Variants in FAT3 observed in about 807,000 individuals in gnomAD.
FAT3 encodes FAT atypical cadherin 3, also known as protocadherin Fat 3.
Under a neutral mutation model 310.2 loss-of-function variants are expected in FAT3, and 95 were observed. That is an observed-to-expected ratio of 0.31 (90% CI 0.26 to 0.36). The LOEUF (loss-of-function observed/expected upper bound fraction) is 0.36, where lower values mean the gene tolerates loss of function less well. FAT3 is among the 10% of genes least tolerant of loss of function. FAT3 has a pLI of 1.00. For synonymous variants in FAT3, 2,314 were observed against 2,192.9 expected (o/e 1.06, Z -1.54); for missense variants, 5,408 against 5,715.6 (o/e 0.95, Z 1.74).
chr11:92,669,755 C>T (rs1198367608), intron 3 of FAT3, among the ~76,000 whole-genome samples: 1 of 152,178 alleles, frequency 6.6e-6, no homozygotes, highest in Non-Finnish European at 1.5e-5. Context: ...TCACTTCTAG[C>T]CACAGGCCCT....
At chr11:92,596,261 CCCTGACATCAGCT>C (rs1177736315) in intron 3 of FAT3, among the ~76,000 whole-genome samples, 2 of 152,112 alleles carry the variant, frequency 1.3e-5, no homozygotes, top group African/African-American at 4.8e-5. Flanking sequence ...TTCTGAAGAA[CCCTGACATCAGCT>C]CCAGAATTTC....
At chr11:92,470,437 TA>T (rs1951875589) in intron 2 of FAT3, among the ~76,000 whole-genome samples, 1 of 152,222 alleles carries the variant, frequency 6.6e-6, no homozygotes, top group African/African-American at 2.4e-5. Context: ...TAAATCTTCT[TA>T]AACCTGTCTT....
At chr11:92,253,193 T>C (rs376552027) in intron 1 of FAT3, among the ~76,000 whole-genome samples, 1 of 152,040 alleles carries the variant, frequency 6.6e-6, no homozygotes, top group Non-Finnish European at 1.5e-5. Context: ...TGGGAGGCCC[T>C]AGGCAGGACC....
intron 3 of FAT3, among the ~76,000 whole-genome samples, chr11:92,693,509 T>C (rs1180507824): frequency 6.6e-6 from 1 of 152,244 alleles, no homozygotes; most frequent in Admixed American, 6.5e-5. Context: ...TCTTGTTGTC[T>C]TATTCTCTAT....
chr11:92,780,094 G>T (rs1293911880), intron 7 of FAT3, among the ~76,000 whole-genome samples: 3 of 151,500 alleles, frequency 2.0e-5, no homozygotes, highest in Non-Finnish European at 4.4e-5. Flanking sequence ...TCGGCCTTGA[G>T]TCCTCACCTA....
At chr11:92,762,578 C>G (rs1277984909) in intron 5 of FAT3, among the ~76,000 whole-genome samples, 1 of 152,214 alleles carries the variant, frequency 6.6e-6, no homozygotes, top group East Asian at 1.9e-4. Context: ...TAGAAAACAA[C>G]TTTTGAAATT....
At chr11:92,570,025 C>T (rs1414226226) in intron 3 of FAT3, among the ~76,000 whole-genome samples, 2 of 152,126 alleles carry the variant, frequency 1.3e-5, no homozygotes, top group Non-Finnish European at 2.9e-5. Context: ...TCTCTGAAAT[C>T]CACAATTTTG....
At chr11:92,272,733 C>T (rs970221521) in intron 1 of FAT3, among the ~76,000 whole-genome samples, 8 of 151,988 alleles carry the variant, frequency 5.3e-5, no homozygotes, top group African/African-American at 9.7e-5. Flanking sequence ...TGAAATGTTA[C>T]GGACAGGGAT....
At chr11:92,784,686 T>C (rs1173658168) in intron 7 of FAT3, among the ~76,000 whole-genome samples, 1 of 152,204 alleles carries the variant, frequency 6.6e-6, no homozygotes, top group Non-Finnish European at 1.5e-5. Flanking sequence ...CTTTGTTTGT[T>C]AGTTCGGGAG....
chr11:92,323,943 C>T (rs1555011764), intron 1 of FAT3, among the ~76,000 whole-genome samples: 1 of 152,216 alleles, frequency 6.6e-6, no homozygotes, highest in Non-Finnish European at 1.5e-5. Flanking sequence ...CTTGCTGCCT[C>T]ATCTTGCACT....
At chr11:92,803,013 G>T (rs576717368) in intron 10 of FAT3, among the ~76,000 whole-genome samples, 7 of 124,018 alleles carry the variant, frequency 5.6e-5, no homozygotes. Context: ...AACACTTTAT[G>T]ATCTATCTGA....
At chr11:92,475,306 A>G (rs1165276383) in intron 2 of FAT3, among the ~76,000 whole-genome samples, 1 of 152,080 alleles carries the variant, frequency 6.6e-6, no homozygotes, top group African/African-American at 2.4e-5. Flanking sequence ...CCTGGCAGAG[A>G]ACTTCATCCA....
At chr11:92,876,034 C>T (rs1949523648) in intron 22 of FAT3, among the ~76,000 whole-genome samples, 1 of 152,136 alleles carries the variant, frequency 6.6e-6, no homozygotes, top group African/African-American at 2.4e-5. Flanking sequence ...ATCTGGACCG[C>T]CCCTCCTTGA....
intron 19 of FAT3, among the ~76,000 whole-genome samples, chr11:92,846,342 C>T (rs1312842064): frequency 6.6e-6 from 1 of 152,176 alleles, no homozygotes; most frequent in Admixed American, 6.5e-5. Flanking sequence ...ACAGTTACTG[C>T]CCTTAGGAGC....
At chr11:92,886,766 T>G in intron 24 of FAT3, 1 of 456,190 alleles carries the variant, frequency 2.2e-6, no homozygotes, top group Non-Finnish European at 3.9e-6. Flanking sequence ...CTGTCAGCTG[T>G]TTGGAAGCTC....
chr11:92,872,680 G>A (rs1463056496), intron 22 of FAT3, among the ~76,000 whole-genome samples: 1 of 152,138 alleles, frequency 6.6e-6, no homozygotes, highest in African/African-American at 2.4e-5. Flanking sequence ...ACACATTAAA[G>A]GTTTCCAGAT....
At chr11:92,327,954 C>G (rs1053208337) in intron 1 of FAT3, among the ~76,000 whole-genome samples, 51 of 152,154 alleles carry the variant, frequency 3.4e-4, no homozygotes, top group African/African-American at 1.2e-3. Context: ...CCATGAGTCC[C>G]TGTGTCTACC....
chr11:92,237,279 G>A (rs536963588), intron 1 of FAT3, among the ~76,000 whole-genome samples: 16 of 152,214 alleles, frequency 1.1e-4, no homozygotes, highest in South Asian at 6.2e-4. Flanking sequence ...GCAGATTTCC[G>A]GGCAGGCTGG....
rs934265282 is a variant in FAT3 at position 92,765,150 on chromosome 11, A to G, written c.4195+61A>G. 41 of 339,828 alleles carry G rather than the reference A, an allele frequency of 1.2e-4. No homozygotes were observed. In the African/African-American group the frequency reaches 2.5e-3, roughly 21 times the overall value. 21.1% of individuals were successfully genotyped at this position (339,828 alleles called of 1,614,324 possible). A position where few individuals can be genotyped will look rare whatever the true frequency, so the allele number is the denominator to read the frequency against. ...GTAATAATTGACTGAAGCAACTAGG[A>G]AAAAAAAAAAAAAGAAAGAAAGCAA... On this transcript the variant is annotated intron_variant, in intron 6 of 27. Transcript: ENST00000525166.
Sources: gnomAD v4.1 joint callset for allele counts (sites outside exome capture counted in the v4.1 genomes callset) on GRCh38, gnomAD v4.1.1 for gene constraint, MANE v1.5 for transcripts, NCBI Gene and HGNC (gene_info 2026-07-23, HGNC 2026-07-21) for gene names.